Variants in STXBP5L observed in about 807,000 individuals in gnomAD.
The protein encoded by STXBP5L is syntaxin binding protein 5L.
In STXBP5L, 65 loss-of-function variants were observed where a neutral mutation model predicts 144.5. That is an observed-to-expected ratio of 0.45 (90% CI 0.37 to 0.55). The LOEUF (loss-of-function observed/expected upper bound fraction) is 0.55, where lower values mean the gene tolerates loss of function less well. STXBP5L is among the 20% of genes least tolerant of loss of function. The pLI is 0.00. For synonymous variants in STXBP5L, 505 were observed against 469.6 expected (o/e 1.08, Z -0.97); for missense variants, 1,298 against 1,405.5 (o/e 0.92, Z 1.22).
chr3:121,386,456 G>C (rs999592017), intron 22 of STXBP5L, among the ~76,000 whole-genome samples: 1 of 152,076 alleles, frequency 6.6e-6, no homozygotes, highest in African/African-American at 2.4e-5. Flanking sequence ...ACCATGTGCA[G>C]GTTTGATACA....
At chr3:121,099,383 C>T (rs1407694914) in intron 5 of STXBP5L, 1 of 152,126 alleles carries the variant, frequency 6.6e-6, no homozygotes, top group Non-Finnish European at 1.5e-5. Flanking sequence ...AGCCTGATCT[C>T]TTGGTTACAA....
At chr3:120,969,094 G>T (rs1482505068) in intron 3 of STXBP5L, among the ~76,000 whole-genome samples, 3 of 151,982 alleles carry the variant, frequency 2.0e-5, no homozygotes, top group African/African-American at 2.4e-5. Context: ...AATTTTACTT[G>T]TGGTTCTTTA....
At chr3:120,926,638 C>A (rs374807673) in intron 2 of STXBP5L, among the ~76,000 whole-genome samples, 37 of 152,066 alleles carry the variant, frequency 2.4e-4, no homozygotes, top group African/African-American at 8.9e-4. Context: ...CTGTCTACCC[C>A]TTACCCTTGC....
chr3:121,286,402 G>A (rs2051234437), intron 19 of STXBP5L, among the ~76,000 whole-genome samples: 1 of 151,978 alleles, frequency 6.6e-6, no homozygotes, highest in Non-Finnish European at 1.5e-5. Flanking sequence ...CAATAAATGG[G>A]GAAAACATTC....
chr3:121,328,622 C>T (rs558143107), intron 20 of STXBP5L, among the ~76,000 whole-genome samples: 50 of 152,132 alleles, frequency 3.3e-4, no homozygotes, highest in African/African-American at 1.0e-3. Flanking sequence ...TGGTGGCATG[C>T]GCCTGTAATC....
rs1426420765 is a variant in STXBP5L, at chr3:120,979,255, GT to G, written c.287+24219del. On this transcript the variant is annotated intron_variant, in intron 3 of 26. Transcript: ENST00000471454. ...CCTAAGCAAGCCTGGGCAATGGCAG[GT>G]GCCCCTCCCCCAGCCTCACTGCCGC... 3.3e-5 allele frequency among the ~76,000 whole-genome samples: 5 copies of G among 152,324 alleles called. No homozygotes were observed. In the East Asian group the frequency reaches 9.7e-4, roughly 29 times the overall value.
At chr3:121,085,400 A>T (rs935254673) in intron 5 of STXBP5L, among the ~76,000 whole-genome samples, 4 of 152,158 alleles carry the variant, frequency 2.6e-5, no homozygotes, top group African/African-American at 9.7e-5. Context: ...TGAAGATAAC[A>T]TGATCCTATA....
At chr3:121,397,335 C>T (rs552231058) in intron 22 of STXBP5L, among the ~76,000 whole-genome samples, 18 of 152,350 alleles carry the variant, frequency 1.2e-4, no homozygotes, top group African/African-American at 4.3e-4. Flanking sequence ...AATCAGTTAA[C>T]ATTCTCCATT....
At chr3:120,964,000 C>G (rs553517262) in intron 3 of STXBP5L, among the ~76,000 whole-genome samples, 15 of 151,876 alleles carry the variant, frequency 9.9e-5, no homozygotes, top group African/African-American at 2.9e-4. Context: ...CTTAGTGTTG[C>G]GAGGGTGTAT....
At chr3:121,394,498 A>G (rs1208075425) in intron 22 of STXBP5L, among the ~76,000 whole-genome samples, 1 of 151,738 alleles carries the variant, frequency 6.6e-6, no homozygotes, top group East Asian at 1.9e-4. Flanking sequence ...TTTAGAGGGA[A>G]TGCTTTCAAC....
chr3:121,051,582 A>C (rs1947999060), intron 5 of STXBP5L, among the ~76,000 whole-genome samples: 1 of 152,204 alleles, frequency 6.6e-6, no homozygotes, highest in African/African-American at 2.4e-5. Context: ...GACACATTCA[A>C]AGCAGTGTGT....
At chr3:121,350,745 A>C (rs989134347) in intron 20 of STXBP5L, among the ~76,000 whole-genome samples, 1 of 152,032 alleles carries the variant, frequency 6.6e-6, no homozygotes, top group African/African-American at 2.4e-5. Flanking sequence ...CTTCCAGTTG[A>C]TCGAATCAGC....
intron 20 of STXBP5L, among the ~76,000 whole-genome samples, chr3:121,361,617 C>A (rs570711732): frequency 1.3e-5 from 2 of 151,976 alleles, no homozygotes; most frequent in East Asian, 3.9e-4. Flanking sequence ...TTTTTCAGCT[C>A]CAGATTTTCT....
chr3:121,339,225 T>A (rs1025279657), intron 20 of STXBP5L, among the ~76,000 whole-genome samples: 1 of 152,162 alleles, frequency 6.6e-6, no homozygotes, highest in African/African-American at 2.4e-5. Context: ...TTAACTATGA[T>A]TAAGTGGGTA....
chr3:121,311,997 A>G (rs935644191), intron 19 of STXBP5L, among the ~76,000 whole-genome samples: 10 of 152,208 alleles, frequency 6.6e-5, no homozygotes, highest in South Asian at 2.1e-4. Flanking sequence ...AAACAGAGAT[A>G]TAGATCAATG....
At chr3:121,212,991 T>G (rs747756000) in intron 10 of STXBP5L, among the ~76,000 whole-genome samples, 2 of 152,200 alleles carry the variant, frequency 1.3e-5, no homozygotes, top group Non-Finnish European at 2.9e-5. Flanking sequence ...GAATGTAAGT[T>G]CACTCACGAT....
intron 22 of STXBP5L, among the ~76,000 whole-genome samples, chr3:121,394,515 C>A (rs2046676378): frequency 6.6e-6 from 1 of 150,960 alleles, no homozygotes; most frequent in Non-Finnish European, 1.5e-5. Flanking sequence ...CAACATTTCC[C>A]TGTTCAGTAT....
At chr3:120,962,269 T>C (rs547710054) in intron 3 of STXBP5L, among the ~76,000 whole-genome samples, 26 of 152,334 alleles carry the variant, frequency 1.7e-4, no homozygotes, top group African/African-American at 4.8e-4. Context: ...GTGTAGAAGC[T>C]CTTTAGTTTA....
At chr3:121,062,737 G>A (rs544669842) in intron 5 of STXBP5L, among the ~76,000 whole-genome samples, 3 of 151,856 alleles carry the variant, frequency 2.0e-5, no homozygotes, top group East Asian at 1.9e-4. Context: ...TCTTGTCTTC[G>A]TGCTGTATTT....
Sources: allele counts gnomAD v4.1 joint callset (sites outside exome capture counted in the v4.1 genomes callset), GRCh38; gene constraint gnomAD v4.1.1; transcripts MANE v1.5; gene names NCBI Gene and HGNC (gene_info 2026-07-23, HGNC 2026-07-21).